Variants in KLF13 observed in about 807,000 individuals in gnomAD.
The protein encoded by KLF13 is Krueppel-like factor 13.
Under a neutral mutation model 16.7 loss-of-function variants are expected in KLF13, and 8 were observed. The ratio of observed to expected loss-of-function variants is 0.48; its 90% CI spans 0.28 to 0.87. KLF13 has a LOEUF of 0.87. KLF13 is among the 40% of genes least tolerant of loss of function. The probability of loss-of-function intolerance (pLI) is 0.10; values close to 1 mark genes in which losing one functional copy is unlikely to be tolerated. For synonymous variants in KLF13, 245 were observed against 208.4 expected (o/e 1.18, Z -1.51); for missense variants, 447 against 452.2 (o/e 0.99, Z 0.10).
rs779068913 is a variant in KLF13 at position 31,355,078 on chromosome 15, C to T, written c.578-16932C>T. Among the ~76,000 whole-genome samples, 19 of 152,238 alleles carry T rather than the reference C, an allele frequency of 1.2e-4. 1 individual carries two copies. The highest frequency in any genetic ancestry group is 1.9e-4 in the Non-Finnish European group (13 of 68,024). The stretch of plus-strand genomic sequence containing the variant: ...AGCCCATCTCGCCATCCCTCAGCCT[C>T]GAGTTATAACTAGTCATAGGTAAAA... On this transcript the variant is annotated intron_variant, in intron 1 of 1. Coordinates refer to ENST00000307145, the MANE Select transcript of KLF13 (RefSeq NM_015995.4).
Position 31,372,702 on chromosome 15 carries a change from G to T in KLF13, c.*403G>T, listed in dbSNP as rs541923797. The T allele has an allele frequency of 1.1e-4, 19 of 174,756 alleles. No homozygotes were observed. Among genetic ancestry groups the T allele is most frequent in the Non-Finnish European group, 2.3e-4 (19 of 83,308 alleles). 10.8% of individuals were successfully genotyped at this position (174,756 alleles called of 1,614,324 possible). A position where few individuals can be genotyped will look rare whatever the true frequency, so the allele number is the denominator to read the frequency against. The stretch of plus-strand genomic sequence containing the variant: ...TCTGGTGGAGCTCAGCGTCTGGCTG[G>T]CTGGCCAGCCTGTGGGTCTGTTGGG... On this transcript the variant is annotated 3_prime_UTR_variant, in exon 2 of 2. Transcript: ENST00000307145.
chr15:31,337,400 G>C (rs1192125700), intron 1 of KLF13, among the ~76,000 whole-genome samples: 3 of 152,220 alleles, frequency 2.0e-5, no homozygotes, highest in Non-Finnish European at 4.4e-5. Context: ...TGTGTTCTGA[G>C]GGAAGATGCC....
At chr15:31,411,400 C>CTT (rs140755995) in intron 1 of KLF13, among the ~76,000 whole-genome samples, 14,226 of 138,060 alleles carry the variant, frequency 0.1, 2,641 homozygotes, top group African/African-American at 0.37. Flanking sequence ...TTTTTTTTTT[C>CTT]TTTTTTTTTT....
At chr15:31,340,874 CAA>C (rs2039010951) in intron 1 of KLF13, among the ~76,000 whole-genome samples, 1 of 151,882 alleles carries the variant, frequency 6.6e-6, no homozygotes, top group Admixed American at 6.5e-5. Context: ...ATCTTAAAAA[CAA>C]AAGAAAAAAA....
exon 3 of KLF13, chr15:31,404,236 G>GT (rs1047486486): frequency 1.3e-5 from 2 of 152,210 alleles, no homozygotes; most frequent in African/African-American, 4.8e-5. Context: ...CTGGAGCCCC[G>GT]TAAGTGTGCA....
intron 1 of KLF13, among the ~76,000 whole-genome samples, chr15:31,423,126 T>C (rs1287789475): frequency 7.7e-6 from 1 of 129,756 alleles, no homozygotes; most frequent in Non-Finnish European, 1.5e-5. Flanking sequence ...TATATACGTA[T>C]ATATACGTAT....
At chr15:31,412,814 C>T (rs1457435248) in intron 1 of KLF13, among the ~76,000 whole-genome samples, 3 of 152,130 alleles carry the variant, frequency 2.0e-5, no homozygotes, top group African/African-American at 7.2e-5. Flanking sequence ...CCAAGGGCCT[C>T]TAGAGAACAG....
intron 1 of KLF13, among the ~76,000 whole-genome samples, chr15:31,426,220 A>T (rs2040400274): frequency 6.6e-6 from 1 of 152,182 alleles, no homozygotes. Context: ...AGCCCTTCAA[A>T]CTGTTCCAAC....
rs1181472902 is a variant in KLF13 at position 31,327,248 on chromosome 15, C to T, written c.36C>T (p.Ala12=). ...CCGCCTATGTGGACCACTTCGCCGC[C>T]GAGTGCCTCGTGTCCATGTCGAGCC... ...AAAAYVDHFA[A]ECLVSMSSRA... Residue 12 remains alanine, a synonymous_variant, in exon 1 of 2, where the codon GCC becomes GCT. Transcript: ENST00000307145. 6.5e-6 allele frequency: 9 copies of T among 1,380,180 alleles called. No homozygotes were observed. Among genetic ancestry groups the T allele is most frequent in the African/African-American group, 1.5e-5 (1 of 65,436 alleles). The allele number at this position is 1,380,180 out of a possible 1,614,324, so 85.5% of individuals were successfully genotyped here.
chr15:31,356,894 G>A (rs760006834), intron 1 of KLF13, among the ~76,000 whole-genome samples: 34 of 152,158 alleles, frequency 2.2e-4, no homozygotes, highest in Non-Finnish European at 4.1e-4. Flanking sequence ...CCTCTGCAGC[G>A]GGCCCGTCGG....
chr15:31,338,507 C>G (rs1281081798), intron 1 of KLF13, among the ~76,000 whole-genome samples: 1 of 152,170 alleles, frequency 6.6e-6, no homozygotes, highest in Admixed American at 6.5e-5. Flanking sequence ...CCTATGAACC[C>G]CAGTGGGGCT....
intron 1 of KLF13, among the ~76,000 whole-genome samples, chr15:31,347,359 G>T (rs2039139516): frequency 6.6e-6 from 1 of 152,220 alleles, no homozygotes; most frequent in Non-Finnish European, 1.5e-5. Flanking sequence ...CCCTGAGGCA[G>T]GGCTGGGGAT....
chr15:31,410,235 A>G (rs57050120), intron 1 of KLF13, among the ~76,000 whole-genome samples: 16,156 of 152,084 alleles, frequency 0.11, 2,986 homozygotes, highest in African/African-American at 0.37. Context: ...CCAAAAGTAT[A>G]AAGAAGAGTT....
At chr15:31,429,737 T>G (rs1170925464) in intron 1 of KLF13, among the ~76,000 whole-genome samples, 1 of 148,430 alleles carries the variant, frequency 6.7e-6, no homozygotes, top group African/African-American at 2.6e-5. Flanking sequence ...ATTTATTTAT[T>G]TATTTATTTA....
At chr15:31,402,435 G>A (rs554405779) in intron 2 of KLF13, among the ~76,000 whole-genome samples, 1 of 152,362 alleles carries the variant, frequency 6.6e-6, no homozygotes, top group East Asian at 1.9e-4. Context: ...CAGTCAGAGG[G>A]TTCCCAAGTG....
chr15:31,406,048 T>C (rs1457241147), downstream of KLF13, among the ~76,000 whole-genome samples: 1 of 152,146 alleles, frequency 6.6e-6, no homozygotes, highest in Non-Finnish European at 1.5e-5. Flanking sequence ...AAAAATGTGA[T>C]GATAAAAATT....
intron 1 of KLF13, among the ~76,000 whole-genome samples, chr15:31,385,630 C>T (rs2039786916): frequency 6.6e-6 from 1 of 152,196 alleles, no homozygotes; most frequent in East Asian, 1.9e-4. Flanking sequence ...ATTGGAGTGC[C>T]ATGAACCACT....
chr15:31,382,445 C>G (rs976957319), downstream of KLF13, among the ~76,000 whole-genome samples: 2 of 152,234 alleles, frequency 1.3e-5, no homozygotes, highest in African/African-American at 4.8e-5. Context: ...CTGGCCACAG[C>G]TGCCTTTTAA....
At chr15:31,422,337 CG>C (rs146217380) in intron 1 of KLF13, among the ~76,000 whole-genome samples, 2,662 of 152,138 alleles carry the variant, frequency 0.017, 34 homozygotes, top group Middle Eastern at 0.031. Context: ...GGAGAGACCT[CG>C]GGAAACTTAC....
Sources: gnomAD v4.1 joint callset for allele counts (sites outside exome capture counted in the v4.1 genomes callset) on GRCh38, gnomAD v4.1.1 for gene constraint, MANE v1.5 for transcripts, NCBI Gene and HGNC (gene_info 2026-07-23, HGNC 2026-07-21) for gene names.